Variants in ATG4A observed in about 807,000 individuals in gnomAD.
The protein encoded by ATG4A is cysteine protease ATG4A.
A neutral mutation model predicts 38.4 loss-of-function variants in ATG4A; 22 were observed. The ratio of observed to expected loss-of-function variants is 0.57; its 90% CI spans 0.41 to 0.82. The LOEUF (loss-of-function observed/expected upper bound fraction) is 0.82. Among genes scored for constraint, ATG4A ranks in the 40% least tolerant of loss-of-function variants. The pLI is 0.00. For synonymous variants in ATG4A, 86 were observed against 100.7 expected (o/e 0.85, Z 0.88); for missense variants, 220 against 290.0 (o/e 0.76, Z 1.75).
intron 9 of ATG4A, among the ~76,000 whole-genome samples, chrX:108,146,636 CT>C (rs1280605118): frequency 8.9e-6 from 1 of 111,826 alleles, no homozygotes; most frequent in African/African-American, 3.3e-5. Flanking sequence ...CCTCACAAAT[CT>C]ATTTTGCAAG....
chrX:108,138,619 C>T (rs760760209), intron 9 of ATG4A, among the ~76,000 whole-genome samples: 1 of 111,715 alleles, frequency 9.0e-6, no homozygotes, highest in African/African-American at 3.2e-5. Context: ...CAGAAGTACC[C>T]CTTTCCCGAG....
At chrX:108,126,005 G>A in intron 1 of ATG4A, 72 bp from the exon 2 acceptor site, 1 of 676,180 alleles carries the variant, frequency 1.5e-6, no homozygotes, top group South Asian at 2.6e-5. Context: ...TCAGGGTAAA[G>A]GTAATAATCA....
rs1243244428 is a variant in ATG4A at position 108,153,867 on chromosome X, AAAAAC to A, written c.*174_*178del. The A allele has an allele frequency of 2.5e-5, 11 of 436,251 alleles. No individual in the cohort carries two copies. The highest frequency in any genetic ancestry group is 8.1e-5 in the Admixed American group (2 of 24,622). The allele number at this position is 436,251 out of a possible 1,213,427, so 36.0% of individuals were successfully genotyped here. A position where few individuals can be genotyped will look rare whatever the true frequency, so the allele number is the denominator to read the frequency against. On this transcript the variant is annotated 3_prime_UTR_variant, in exon 13 of 13. Transcript: ENST00000372232. Reference sequence around the variant, plus strand: ...GACTGAGCCAATCACTGTTTCTCAGAAAAACAAAACAAAACAAAACAAATGACAGT... The same window carrying A: ...GACTGAGCCAATCACTGTTTCTCAGAAAAACAAAACAAAACAAATGACAGT...
intron 1 of ATG4A, among the ~76,000 whole-genome samples, chrX:108,097,953 A>T (rs1281022640): frequency 9.0e-6 from 1 of 111,049 alleles, no homozygotes; most frequent in Non-Finnish European, 1.9e-5. Context: ...TGTGGCTCTA[A>T]TTTTTTTTTA....
intron 1 of ATG4A, among the ~76,000 whole-genome samples, chrX:108,116,913 T>C (rs1417819829): frequency 8.9e-6 from 1 of 112,391 alleles, no homozygotes; most frequent in African/African-American, 3.2e-5. Flanking sequence ...ATCAGCTTTC[T>C]TTCCACAGCC....
At position 108,143,222 on chromosome X, in the gene ATG4A, T is replaced by G. The variant is rs2033347114; in HGVS notation, c.814+5031T>G. Among the ~76,000 whole-genome samples, 4 of 112,437 alleles carry G rather than the reference T, an allele frequency of 3.6e-5. No individual in the cohort carries two copies. The Admixed American group carries it at 3.8e-4, about 11-fold the overall frequency. The stretch of plus-strand genomic sequence containing the variant: ...AAGAAGGAGGAAATGTTCATGACAA[T>G]TGCAGTCCTCGTTTCTGTAGCTGGT... On this transcript the variant is annotated intron_variant, in intron 9 of 12. Transcript: ENST00000372232.
intron 7 of ATG4A, 36 bp from the exon 8 acceptor site, chrX:108,137,768 C>T: frequency 9.0e-7 from 1 of 1,116,155 alleles, no homozygotes; most frequent in South Asian, 2.2e-5. Context: ...GCTGAAGACT[C>T]CTTACTTATC....
intron 1 of ATG4A, among the ~76,000 whole-genome samples, chrX:108,106,937 T>C (rs2032192668): frequency 9.0e-6 from 1 of 111,696 alleles, no homozygotes; most frequent in Non-Finnish European, 1.9e-5. Context: ...TTTTGCCAAA[T>C]TGGGGAGATT....
rs1408042656 is a variant in ATG4A, at chrX:108,134,310, CAT to C, written c.395-28_395-27del. On this transcript the variant is annotated intron_variant, in intron 5 of 12. Transcript: ENST00000372232. ...GGCTTATTGGAAGATCTTTTGCTAA[CAT>C]GTTATTTTTTTCCACATTAAAAACA... 25 of 1,190,322 alleles carry C rather than the reference CAT, an allele frequency of 2.1e-5. 1 individual carries two copies. The highest frequency in any genetic ancestry group is 2.6e-5 in the Non-Finnish European group (23 of 883,457).
intron 1 of ATG4A, among the ~76,000 whole-genome samples, chrX:108,125,006 C>T (rs1356178304): frequency 9.0e-6 from 1 of 111,467 alleles, no homozygotes; most frequent in African/African-American, 3.3e-5. Context: ...TAGCTTTGAA[C>T]TTGAAATATA....
At position 108,153,759 on chromosome X, in the gene ATG4A, A is replaced by G. The variant is rs767746321; in HGVS notation, c.*47A>G. 15 of 1,074,265 alleles carry G rather than the reference A, an allele frequency of 1.4e-5. No individual in the cohort carries two copies. The African/African-American group carries it at 2.4e-4, about 17-fold the overall frequency. 88.5% of individuals were successfully genotyped at this position (1,074,265 alleles called of 1,213,427 possible). A position where few individuals can be genotyped will look rare whatever the true frequency, so the allele number is the denominator to read the frequency against. On this transcript the variant is annotated 3_prime_UTR_variant, in exon 13 of 13. Coordinates refer to ENST00000372232, the MANE Select transcript of ATG4A (RefSeq NM_052936.5). ...AGGTCTGTCTTCCATCTGGCACCAT[A>G]AAAACATGAACTTATTGCATAAAAC... is the stretch of plus-strand genomic sequence containing the variant.
chrX:108,113,143 G>A (rs992311471), intron 1 of ATG4A, among the ~76,000 whole-genome samples: 1 of 111,000 alleles, frequency 9.0e-6, no homozygotes, highest in African/African-American at 3.3e-5. Context: ...GCTAATTTGT[G>A]GGACTAATAA....
At chrX:108,149,991 G>T (rs1326487252) in intron 9 of ATG4A, 161 bp from the exon 10 acceptor site, 7 of 535,272 alleles carry the variant, frequency 1.3e-5, no homozygotes. Context: ...GGCGCAAGTG[G>T]CTTCCTTTAA....
At chrX:108,124,126 T>C (rs2032734660) in intron 1 of ATG4A, among the ~76,000 whole-genome samples, 1 of 112,358 alleles carries the variant, frequency 8.9e-6, no homozygotes, top group Non-Finnish European at 1.9e-5. Context: ...TTGCCCTGCC[T>C]CAGTCCACCA....
At chrX:108,119,444 G>A (rs962803418) in intron 1 of ATG4A, among the ~76,000 whole-genome samples, 5 of 111,112 alleles carry the variant, frequency 4.5e-5, no homozygotes, top group Admixed American at 9.6e-5. Flanking sequence ...ACATTGCAAC[G>A]TGGTTTTTAT....
chrX:108,100,002 A>C (rs944051716), intron 1 of ATG4A, among the ~76,000 whole-genome samples: 3 of 111,697 alleles, frequency 2.7e-5, no homozygotes, highest in Non-Finnish European at 5.7e-5. Context: ...AAGTTAGCTG[A>C]GATATTGATA....
chrX:108,108,769 T>A (rs938600147), intron 1 of ATG4A, among the ~76,000 whole-genome samples: 1 of 112,030 alleles, frequency 8.9e-6, no homozygotes, highest in Admixed American at 9.5e-5. Context: ...TTCCATTTCC[T>A]CTTCCTTCCA....
At position 108,154,474 on chromosome X, in the gene ATG4A, A is replaced by C. The variant is rs769319495; in HGVS notation, c.*762A>C. ...ATGCGGCCTCTGTCACATCTACTCA[A>C]CTCTGCTGTTGACATGCAAAAGCAG... On this transcript the variant is annotated 3_prime_UTR_variant, in exon 13 of 13. Coordinates refer to ENST00000372232, the MANE Select transcript of ATG4A (RefSeq NM_052936.5). The C allele has an allele frequency of 8.9e-6, 1 of 112,026 alleles. No individual in the cohort carries two copies. Among genetic ancestry groups the C allele is most frequent in the South Asian group, 3.7e-4 (1 of 2,680 alleles). 9.2% of individuals were successfully genotyped at this position (112,026 alleles called of 1,213,427 possible). A position where few individuals can be genotyped will look rare whatever the true frequency, so the allele number is the denominator to read the frequency against.
chrX:108,134,187 C>A, intron 5 of ATG4A, 29 bp downstream of exon 5: 1 of 1,157,547 alleles, frequency 8.6e-7, no homozygotes, highest in Non-Finnish European at 1.2e-6. Flanking sequence ...AGTTTAAAGG[C>A]AGTGCCTATT....
Sources: allele counts gnomAD v4.1 joint callset (sites outside exome capture counted in the v4.1 genomes callset), GRCh38; gene constraint gnomAD v4.1.1; transcripts MANE v1.5; gene names NCBI Gene and HGNC (gene_info 2026-07-23, HGNC 2026-07-21).